Variants in NEK11 observed in about 807,000 individuals in gnomAD.
The protein encoded by NEK11 is NIMA related kinase 11, also known as serine/threonine-protein kinase Nek11.
A neutral mutation model predicts 80.7 loss-of-function variants in NEK11; 72 were observed. The observed-to-expected ratio is 0.89, with a 90% CI of 0.74 to 1.08. NEK11 has a LOEUF of 1.08. Among genes scored for constraint, NEK11 ranks in the 50% least tolerant of loss-of-function variants. The probability of loss-of-function intolerance (pLI) is 0.00; values close to 1 mark genes in which losing one functional copy is unlikely to be tolerated. For synonymous variants in NEK11, 251 were observed against 260.7 expected (o/e 0.96, Z 0.36); for missense variants, 764 against 763.6 (o/e 1.00, Z -0.01).
chr3:131,311,406 C>T (rs1030074521), intron 17 of NEK11, among the ~76,000 whole-genome samples: 1 of 152,202 alleles, frequency 6.6e-6, no homozygotes, highest in Non-Finnish European at 1.5e-5. Context: ...TGTTCACCCC[C>T]CTCAACCCCA....
intron 14 of NEK11, among the ~76,000 whole-genome samples, chr3:131,181,789 T>A (rs1218983213): frequency 6.6e-6 from 1 of 150,554 alleles, no homozygotes; most frequent in Non-Finnish European, 1.5e-5. Flanking sequence ...TTGTGTTATG[T>A]TAAATCACAA....
chr3:131,301,189 TG>T (rs924057536), intron 17 of NEK11, among the ~76,000 whole-genome samples: 1 of 152,158 alleles, frequency 6.6e-6, no homozygotes, highest in Non-Finnish European at 1.5e-5. Flanking sequence ...TGGACATTGA[TG>T]GTTTATAGAA....
chr3:131,330,183 G>A (rs1054634267), intron 17 of NEK11: 1 of 152,060 alleles, frequency 6.6e-6, no homozygotes, highest in African/African-American at 2.4e-5. Context: ...GAGAAAGAGA[G>A]GAATCAAAGA....
At chr3:131,102,991 G>A (rs1323975327) in intron 4 of NEK11, among the ~76,000 whole-genome samples, 2 of 152,086 alleles carry the variant, frequency 1.3e-5, no homozygotes, top group African/African-American at 2.4e-5. Flanking sequence ...TGAAATTCTT[G>A]TAGTCAATTT....
intron 17 of NEK11, among the ~76,000 whole-genome samples, chr3:131,286,826 A>G (rs1404276086): frequency 6.6e-6 from 1 of 152,200 alleles, no homozygotes; most frequent in Non-Finnish European, 1.5e-5. Flanking sequence ...AAAAATTTAC[A>G]AAGAGATTAT....
At chr3:131,286,646 A>G (rs952610927) in intron 17 of NEK11, among the ~76,000 whole-genome samples, 8 of 152,206 alleles carry the variant, frequency 5.3e-5, no homozygotes, top group African/African-American at 1.9e-4. Context: ...TTATTTCTCT[A>G]TCATTGAGTT....
At chr3:131,061,880 C>T (rs768574632) in intron 3 of NEK11, among the ~76,000 whole-genome samples, 1 of 152,156 alleles carries the variant, frequency 6.6e-6, no homozygotes, top group Non-Finnish European at 1.5e-5. Context: ...CCTCTGCTAC[C>T]ACCACAGTGG....
intron 4 of NEK11, among the ~76,000 whole-genome samples, chr3:131,103,856 G>A (rs1440022766): frequency 6.6e-6 from 1 of 152,214 alleles, no homozygotes; most frequent in Non-Finnish European, 1.5e-5. Context: ...CCTAGGCTAT[G>A]CACTGCAGCC....
chr3:131,043,236 A>G (rs1025769168), intron 3 of NEK11, among the ~76,000 whole-genome samples: 37 of 152,234 alleles, frequency 2.4e-4, no homozygotes, highest in African/African-American at 8.9e-4. Flanking sequence ...CGCCAGCAAG[A>G]GAACAAAACT....
intron 4 of NEK11, among the ~76,000 whole-genome samples, chr3:131,099,396 T>G (rs149481857): frequency 6.6e-6 from 1 of 152,218 alleles, no homozygotes; most frequent in Non-Finnish European, 1.5e-5. Flanking sequence ...TGAAGTCAGG[T>G]AGTGTGATGC....
chr3:131,325,888 TA>T (rs1349371932), intron 17 of NEK11: 3 of 152,230 alleles, frequency 2.0e-5, no homozygotes, highest in African/African-American at 7.2e-5. Flanking sequence ...TACAGTTAGC[TA>T]AAAAGTTGTG....
intron 3 of NEK11, among the ~76,000 whole-genome samples, chr3:131,039,247 A>G (rs528994361): frequency 6.6e-6 from 1 of 152,276 alleles, no homozygotes; most frequent in South Asian, 2.1e-4. Context: ...CTGATTTTTA[A>G]TAGAGTCCAG....
intron 4 of NEK11, chr3:131,109,251 G>A (rs2079680060): frequency 6.6e-6 from 1 of 152,110 alleles, no homozygotes. Context: ...TTTGTGCAGA[G>A]TGACTGGGTA....
rs760233095 is a variant in NEK11 at position 131,152,701 on chromosome 3, C to A, written c.868C>A (p.Gln290Lys). Residue 290 changes from glutamine (Q) to lysine (K), a missense_variant, in exon 9 of 18, where the codon CAG (glutamine) becomes AAG (lysine). Coordinates refer to ENST00000383366, the MANE Select transcript of NEK11 (RefSeq NM_024800.5). Reference sequence around the variant, plus strand: ...TTTAAAAATCCCTTACCTTGATGAGCAGCTACAGGTATTTAAAATGAAAGG... The same window carrying A: ...TTTAAAAATCCCTTACCTTGATGAGAAGCTACAGGTATTTAAAATGAAAGG... ...EILKIPYLDE[Q>K]LQNLMCRYSE... The A allele has an allele frequency of 1.2e-6, 2 of 1,607,582 alleles. No individual in the cohort carries two copies. The highest frequency in any genetic ancestry group is 3.3e-5 in the Admixed American group (2 of 59,930).
chr3:131,291,655 T>A (rs2096544590), intron 17 of NEK11, among the ~76,000 whole-genome samples: 1 of 152,188 alleles, frequency 6.6e-6, no homozygotes, highest in Non-Finnish European at 1.5e-5. Context: ...CTAATAAGTA[T>A]GTAGTAGTAT....
At chr3:131,082,041 A>G (rs1301544890) in intron 4 of NEK11, among the ~76,000 whole-genome samples, 1 of 152,012 alleles carries the variant, frequency 6.6e-6, no homozygotes, top group African/African-American at 2.4e-5. Flanking sequence ...TTTCCCATCT[A>G]TGTCTTGACC....
intron 14 of NEK11, among the ~76,000 whole-genome samples, chr3:131,215,306 G>T (rs950978728): frequency 2.0e-5 from 3 of 151,286 alleles, no homozygotes. Flanking sequence ...ATAGCATTAG[G>T]AGATATACCT....
intron 4 of NEK11, among the ~76,000 whole-genome samples, chr3:131,101,320 T>A (rs1284020005): frequency 2.0e-5 from 3 of 152,160 alleles, no homozygotes; most frequent in African/African-American, 7.2e-5. Context: ...ACGTCCAAAG[T>A]TAAATAGTTA....
intron 5 of NEK11, among the ~76,000 whole-genome samples, chr3:131,118,433 C>A (rs1417564254): frequency 1.3e-5 from 2 of 151,002 alleles, no homozygotes; most frequent in African/African-American, 2.4e-5. Context: ...GTCTAAAATT[C>A]TCTTTTTTTG....
Sources: allele counts gnomAD v4.1 joint callset (sites outside exome capture counted in the v4.1 genomes callset), GRCh38; gene constraint gnomAD v4.1.1; transcripts MANE v1.5; gene names NCBI Gene and HGNC (gene_info 2026-07-23, HGNC 2026-07-21).